Variants in PTPRQ observed in about 807,000 individuals in gnomAD.
The protein encoded by PTPRQ is protein tyrosine phosphatase receptor type Q.
A neutral mutation model predicts 246.0 loss-of-function variants in PTPRQ; 199 were observed. The ratio of observed to expected loss-of-function variants is 0.81; its 90% CI spans 0.72 to 0.91. The LOEUF is 0.91. Ranked by LOEUF, PTPRQ falls within the 40% of genes least tolerant of loss-of-function variation. The pLI is 0.00. For missense variants in PTPRQ, 2,624 were observed against 2,528.4 expected, an observed-to-expected ratio of 1.04 and a Z score of -0.81; for synonymous variants, 869 against 853.2, an observed-to-expected ratio of 1.02 and a Z score of -0.32.
intron 39 of PTPRQ, among the ~76,000 whole-genome samples, chr12:80,659,999 C>G (rs922121641): frequency 3.3e-5 from 5 of 151,984 alleles, no homozygotes; most frequent in Non-Finnish European, 7.4e-5. Context: ...TTTCCACCTA[C>G]GTATTCCTAC....
intron 26 of PTPRQ, among the ~76,000 whole-genome samples, chr12:80,603,637 A>G (rs948459530): frequency 1.3e-5 from 2 of 151,614 alleles, no homozygotes; most frequent in African/African-American, 2.4e-5. Context: ...CATTACCAAG[A>G]TAAGCAATTC....
chr12:80,557,959 A>G (rs780183944), intron 25 of PTPRQ, among the ~76,000 whole-genome samples: 2 of 152,004 alleles, frequency 1.3e-5, no homozygotes, highest in Non-Finnish European at 2.9e-5. Flanking sequence ...TATAAGTGGA[A>G]TTATAAAGTA....
At chr12:80,676,441 G>A (rs1479210002) in intron 43 of PTPRQ, among the ~76,000 whole-genome samples, 3 of 152,220 alleles carry the variant, frequency 2.0e-5, no homozygotes, top group South Asian at 2.1e-4. Context: ...TCAGGAGTTC[G>A]AGACCAGCCT....
intron 33 of PTPRQ, among the ~76,000 whole-genome samples, chr12:80,624,166 G>C (rs1406305415): frequency 6.6e-6 from 1 of 152,150 alleles, no homozygotes; most frequent in Non-Finnish European, 1.5e-5. Flanking sequence ...GTGAGTAAAA[G>C]ATGTGTAATG....
intron 25 of PTPRQ, among the ~76,000 whole-genome samples, chr12:80,556,302 TA>T: frequency 6.6e-6 from 1 of 152,316 alleles, no homozygotes; most frequent in East Asian, 1.9e-4. Context: ...GTGCTGGGAT[TA>T]CAGGCATGAG....
chr12:80,485,323 A>G (rs1894237526), intron 9 of PTPRQ, among the ~76,000 whole-genome samples: 1 of 152,144 alleles, frequency 6.6e-6, no homozygotes, highest in African/African-American at 2.4e-5. Context: ...AGTCATGTCC[A>G]GATACTGGCT....
intron 24 of PTPRQ, among the ~76,000 whole-genome samples, chr12:80,547,608 T>C (rs577512233): frequency 2.0e-5 from 3 of 152,162 alleles, no homozygotes; most frequent in Admixed American, 1.3e-4. Flanking sequence ...TAAAAGTACA[T>C]GCTGTGAAGT....
At chr12:80,521,411 TG>T (rs1895481184) in intron 17 of PTPRQ, among the ~76,000 whole-genome samples, 1 of 152,172 alleles carries the variant, frequency 6.6e-6, no homozygotes, top group Admixed American at 6.6e-5. Flanking sequence ...CATTGCTTTT[TG>T]TGTTTTAGAC....
intron 25 of PTPRQ, among the ~76,000 whole-genome samples, chr12:80,564,989 C>CA (rs564900307): frequency 1.7e-4 from 25 of 151,252 alleles, no homozygotes; most frequent in South Asian, 6.2e-4. Context: ...ATTTAAAATT[C>CA]AAAAAAAACT....
chr12:80,619,053 T>G (rs1290338332), intron 30 of PTPRQ, among the ~76,000 whole-genome samples: 1 of 151,432 alleles, frequency 6.6e-6, no homozygotes, highest in African/African-American at 2.4e-5. Context: ...ACTAAAATTA[T>G]AGTAAAAAGT....
intron 23 of PTPRQ, among the ~76,000 whole-genome samples, chr12:80,545,888 G>A (rs10778764): frequency 0.58 from 87,090 of 151,168 alleles, 30,003 homozygotes; most frequent in Non-Finnish European, 0.76. Context: ...GAATTTAGAT[G>A]AGTTCAGAAA....
chr12:80,531,261 T>C (rs780463094), intron 17 of PTPRQ, among the ~76,000 whole-genome samples: 13 of 152,080 alleles, frequency 8.5e-5, no homozygotes, highest in Non-Finnish European at 1.6e-4. Context: ...AGATCATTGG[T>C]GTTAACATGA....
chr12:80,522,579 T>C (rs1244012566), intron 17 of PTPRQ, among the ~76,000 whole-genome samples: 2 of 152,220 alleles, frequency 1.3e-5, no homozygotes, highest in East Asian at 1.9e-4. Context: ...TGAAGGGCTG[T>C]TGAATTTTGT....
intron 3 of PTPRQ, among the ~76,000 whole-genome samples, chr12:80,454,818 G>A (rs1418955936): frequency 6.6e-6 from 1 of 151,900 alleles, no homozygotes; most frequent in Non-Finnish European, 1.5e-5. Flanking sequence ...ACTTATAAAG[G>A]CGAAATTATT....
At chr12:80,557,714 T>A (rs1896683874) in intron 25 of PTPRQ, among the ~76,000 whole-genome samples, 1 of 152,192 alleles carries the variant, frequency 6.6e-6, no homozygotes, top group Admixed American at 6.5e-5. Flanking sequence ...ATCCTTCATA[T>A]CCTTTATCCA....
At chr12:80,493,615 A>C (rs935601390) in intron 10 of PTPRQ, among the ~76,000 whole-genome samples, 160 bp downstream of exon 10, 1 of 151,936 alleles carries the variant, frequency 6.6e-6, no homozygotes, top group Non-Finnish European at 1.5e-5. Context: ...AACAAATGGA[A>C]ATGCCACACA....
intron 31 of PTPRQ, 62 bp from the exon 32 acceptor site, chr12:80,620,092 T>A (rs1235690328): frequency 3.4e-6 from 5 of 1,473,562 alleles, no homozygotes; most frequent in Non-Finnish European, 4.5e-6. Flanking sequence ...ACACTATTTA[T>A]AATTGTAAAA....
At chr12:80,576,288 C>T (rs1167093979) in intron 25 of PTPRQ, among the ~76,000 whole-genome samples, 4 of 151,914 alleles carry the variant, frequency 2.6e-5, no homozygotes, top group African/African-American at 4.8e-5. Context: ...ACTATAGGCA[C>T]GTGCCATCAC....
chr12:80,454,852 CA>C (rs1565715002), intron 3 of PTPRQ, among the ~76,000 whole-genome samples: 5 of 152,010 alleles, frequency 3.3e-5, no homozygotes, highest in Admixed American at 3.3e-4. Context: ...ATTTATTTTC[CA>C]AAAAAGTCAC....
Sources: allele counts gnomAD v4.1 joint callset (sites outside exome capture counted in the v4.1 genomes callset), GRCh38; gene constraint gnomAD v4.1.1; transcripts MANE v1.5; gene names NCBI Gene and HGNC (gene_info 2026-07-23, HGNC 2026-07-21).